WDR46: variants seen among roughly 807,000 people sequenced by gnomAD.
WDR46 encodes WD repeat domain 46, also known as WD repeat-containing protein 46.
A neutral mutation model predicts 74.7 loss-of-function variants in WDR46; 58 were observed. The ratio of observed to expected loss-of-function variants is 0.78; its 90% CI spans 0.63 to 0.97. WDR46 has a LOEUF of 0.97. WDR46 is among the 50% of genes least tolerant of loss of function. The pLI, the probability that WDR46 is intolerant of heterozygous loss-of-function variation, is 0.00. For missense variants in WDR46, 702 were observed against 790.1 expected (o/e 0.89, Z 1.34); for synonymous variants, 278 against 297.3 (o/e 0.93, Z 0.67).
chr6:33,280,840 G>A lies in WDR46; in HGVS notation c.1263C>T (p.Asp421=), dbSNP rs569530666. The change falls in exon 11 of 15, where the codon GAC becomes GAT. Residue 421 remains aspartate (D), a synonymous_variant. Coordinates refer to ENST00000374617, the MANE Select transcript of WDR46 (RefSeq NM_005452.6). Reference sequence around the variant, plus strand: ...CCTGCCCTGCCCAGATGTTGACAACGTCACCCATTCCCGCCACCAGCAGTC... The same window carrying A: ...CCTGCCCTGCCCAGATGTTGACAACATCACCCATTCCCGCCACCAGCAGTC... ...QRGLLVAGMG[D]VVNIWAGQGK... The A allele has an allele frequency of 1.2e-5, 19 of 1,614,052 alleles. No homozygotes were observed. The highest frequency in any genetic ancestry group is 5.5e-5 in the South Asian group (5 of 91,090).
Position 33,279,306 on chromosome 6 carries a change from C to G in WDR46, c.1803G>C (p.Arg601=), listed in dbSNP as rs1765902187. ...KEAKAKPTGA[R]PSALDRFVR The stretch of plus-strand genomic sequence containing the variant: ...GCACAAATCTGTCCAGGGCAGATGG[C>G]CGGGCCCCCGTGGGCTTGGCCTTCG... The change falls in exon 15 of 15, where the codon CGG becomes CGC. Residue 601 remains arginine, a synonymous_variant. Transcript: ENST00000374617. 1 of 1,614,212 alleles carries G rather than the reference C, an allele frequency of 6.2e-7. No individual in the cohort carries two copies. The highest frequency in any genetic ancestry group is 1.1e-5 in the South Asian group (1 of 91,088).
intron 10 of WDR46, among the ~76,000 whole-genome samples, chr6:33,285,094 C>G (rs371436372): frequency 1.3e-5 from 2 of 152,186 alleles, no homozygotes; most frequent in Non-Finnish European, 2.9e-5. Context: ...TCAAATTTGA[C>G]CATCTGGAAC....
At chr6:33,282,379 C>T (rs1014926032) in intron 10 of WDR46, among the ~76,000 whole-genome samples, 1 of 152,134 alleles carries the variant, frequency 6.6e-6, no homozygotes, top group African/African-American at 2.4e-5. Context: ...ACCGAGCGCT[C>T]GTGGAACACA....
At chr6:33,280,315 G>T (rs72655905) in intron 12 of WDR46, 113 bp downstream of exon 12, 11 of 1,109,290 alleles carry the variant, frequency 9.9e-6, no homozygotes, top group South Asian at 5.7e-5. Flanking sequence ...TCTCCAGCAG[G>T]GGGGAACCTG....
intron 10 of WDR46, among the ~76,000 whole-genome samples, chr6:33,286,034 G>A (rs149283903): frequency 0.03 from 4,628 of 152,012 alleles, 89 homozygotes; most frequent in Middle Eastern, 0.055. Context: ...CCAGCTACTT[G>A]GGAGACTGAG....
At chr6:33,287,792 C>T (rs1167055110) in intron 6 of WDR46, 74 bp from the exon 7 acceptor site, 18 of 1,566,534 alleles carry the variant, frequency 1.1e-5, no homozygotes, top group Non-Finnish European at 1.4e-5. Flanking sequence ...GTCTGCCCCA[C>T]GCCAGCCCCA....
intron 5 of WDR46, 29 bp from the exon 6 acceptor site, chr6:33,288,055 G>A: frequency 1.9e-6 from 3 of 1,614,048 alleles, no homozygotes; most frequent in Non-Finnish European, 8.5e-7. Context: ...AAAAAAAAGA[G>A]TGCCCTGCAG....
chr6:33,281,908 A>G (rs1000544375), intron 10 of WDR46, among the ~76,000 whole-genome samples: 2 of 152,200 alleles, frequency 1.3e-5, no homozygotes, highest in African/African-American at 4.8e-5. Flanking sequence ...ACCCTGGCTC[A>G]CTGCAGCCTC....
rs1461947215 is a variant in WDR46 at position 33,288,636 on chromosome 6, C to T, written c.338G>A (p.Cys113Tyr). The change falls in exon 3 of 15, where the codon TGT becomes TAT. Residue 113 changes from cysteine (C) to tyrosine (Y), a missense_variant. Transcript: ENST00000374617. ...CACCTTTCGGGATTTGTCAATGCGA[C>T]AGAACTTCTGGACCACTTCCACAGG... ...PVPVEVVQKF[C>Y]RIDKSRKLPH... 3 of 1,612,752 alleles carry T rather than the reference C, an allele frequency of 1.9e-6. No individual in the cohort carries two copies. The highest frequency in any genetic ancestry group is 2.5e-6 in the Non-Finnish European group (3 of 1,179,606).
Position 33,279,281 on chromosome 6 carries a change from G to C in WDR46, c.1828C>G (p.Arg610Gly). 6.2e-7 allele frequency: 1 copy of C among 1,614,176 alleles called. No individual in the cohort carries two copies. ...ARPSALDRFV[R>G] ...AGGCAACCCTGGAGTCTGGCTCAGC[G>C]CACAAATCTGTCCAGGGCAGATGGC... is the stretch of plus-strand genomic sequence containing the variant. The change falls in exon 15 of 15, where the codon CGC (arginine) becomes GGC (glycine). Residue 610 changes from arginine to glycine, a missense_variant. Transcript: ENST00000374617.
chr6:33,280,341 G>A lies in WDR46; in HGVS notation c.1524+87C>T, dbSNP rs72655906. On this transcript the variant is annotated intron_variant, in intron 12 of 14. Transcript: ENST00000374617. ...GGGGAACCTGACCTTCTCCAGGAAGGAGGAACCTCACCCTCTCCAGGACGG... is the reference window on the plus strand; with the variant it reads ...GGGGAACCTGACCTTCTCCAGGAAGAAGGAACCTCACCCTCTCCAGGACGG... 4.2e-6 allele frequency: 6 copies of A among 1,420,148 alleles called. No homozygotes were observed. The South Asian group carries it at 5.0e-5, about 12-fold the overall frequency. The allele number at this position is 1,420,148 out of a possible 1,614,324, so 88.0% of individuals were successfully genotyped here. A position where few individuals can be genotyped will look rare whatever the true frequency, so the allele number is the denominator to read the frequency against.
rs201671590 is a variant in WDR46 at position 33,279,850 on chromosome 6, C to A, written c.1534G>T (p.Glu512Ter). The A allele has an allele frequency of 7.4e-6, 12 of 1,613,908 alleles. No homozygotes were observed. The highest frequency in any genetic ancestry group is 1.0e-5 in the Non-Finnish European group (12 of 1,179,978). Reference protein sequence around the residue: ...VKALLEKVPAELICLDPRALA... With the variant: ...VKALLEKVPA ...GCTCGTGGGTCCAGACAAATAAGCT[C>A]TGCAGGTACCTGGGGGTGTCACAGA... Residue 512 changes from glutamate to a stop codon, truncating the protein, a stop_gained, in exon 13 of 15, where the codon GAG becomes TAG. Transcript: ENST00000374617. LOFTEE classifies it high-confidence loss of function.
Position 33,288,227 on chromosome 6 carries a change from T to A in WDR46, c.482A>T (p.Glu161Val). The A allele has an allele frequency of 6.2e-7, 1 of 1,614,082 alleles. No individual in the cohort carries two copies. Among genetic ancestry groups the A allele is most frequent in the South Asian group, 1.1e-5 (1 of 91,078 alleles). The change falls in exon 5 of 15, where the codon GAA (glutamate) becomes GTA (valine). Residue 161 changes from glutamate to valine, a missense_variant. Physicochemically the swap from Glu to Val is moderately radical, Grantham distance 121. Coordinates refer to ENST00000374617, the MANE Select transcript of WDR46 (RefSeq NM_005452.6). Reference protein sequence around the residue: ...LLLAEEPGFLEGEDGEDTAKI... With the variant: ...LLLAEEPGFLVGEDGEDTAKI... The stretch of plus-strand genomic sequence containing the variant: ...TGCTGTGTCTTCCCCATCCTCCCCT[T>A]CCAGAAACCTGAAAGCAAGGGTTAG...
chr6:33,288,662 G>A lies in WDR46; in HGVS notation c.312C>T (p.Val104=). 6.2e-7 allele frequency: 1 copy of A among 1,613,064 alleles called. No individual in the cohort carries two copies. The highest frequency in any genetic ancestry group is 8.5e-7 in the Non-Finnish European group (1 of 1,179,418). ...TQDPFPGPAP[V]PVEVVQKFCR... ...AGAACTTCTGGACCACTTCCACAGG[G>A]ACGGGGGCGGGGCCTGGGAATGGAT... The change falls in exon 3 of 15, where the codon GTC becomes GTT. Residue 104 remains valine, a synonymous_variant. Coordinates refer to ENST00000374617, the MANE Select transcript of WDR46 (RefSeq NM_005452.6).
chr6:33,288,144 T>A lies in WDR46; in HGVS notation c.561+4A>T. 6.2e-7 allele frequency: 1 copy of A among 1,614,212 alleles called. No individual in the cohort carries two copies. The highest frequency in any genetic ancestry group is 8.5e-7 in the Non-Finnish European group (1 of 1,180,038). On this transcript the variant is annotated splice_donor_region_variant and intron_variant, in intron 5 of 14. Transcript: ENST00000374617. ...CCTTGGCTCCTTTACCTCCTCAGGC[T>A]CACCTTGGCTGCACTTGCAATGTCC...
rs910312552 is a variant in WDR46 at position 33,279,198 on chromosome 6, T to G, written c.*78A>C. On this transcript the variant is annotated 3_prime_UTR_variant, in exon 15 of 15. Transcript: ENST00000374617. ...GGGAAGGGGCCACACTGCCCCCACC[T>G]CCTTGTTCCAGGGAACACTCATTTC... The G allele has an allele frequency of 5.0e-6, 8 of 1,585,356 alleles. No individual in the cohort carries two copies. In the East Asian group the frequency reaches 1.1e-4, roughly 22 times the overall value.
rs1451849945 is a variant in WDR46 at position 33,280,305 on chromosome 6, T to C, written c.1524+123A>G. The C allele has an allele frequency of 4.0e-6, 4 of 999,620 alleles. No individual in the cohort carries two copies. The East Asian group carries it at 7.8e-5, about 20-fold the overall frequency. The allele number at this position is 999,620 out of a possible 1,614,324, so 61.9% of individuals were successfully genotyped here. A position where few individuals can be genotyped will look rare whatever the true frequency, so the allele number is the denominator to read the frequency against. On this transcript the variant is annotated intron_variant, in intron 12 of 14. Transcript: ENST00000374617. ...TCTCCAGCAGTGGGGAACCTGACCT[T>C]CTCCAGCAGGGGGGAACCTGACCTT...
chr6:33,285,207 TA>T (rs1043568501), intron 10 of WDR46, among the ~76,000 whole-genome samples: 1 of 151,994 alleles, frequency 6.6e-6, no homozygotes, highest in African/African-American at 2.4e-5. Context: ...TGATTATTAT[TA>T]TTTTTTTTTT....
At chr6:33,287,289 G>C (rs207466855) in intron 8 of WDR46, 63 bp from the exon 9 acceptor site, 2 of 1,611,702 alleles carry the variant, frequency 1.2e-6, no homozygotes, top group East Asian at 4.5e-5. Flanking sequence ...CCTCTGCTGG[G>C]GTCCTAAAGG....
Sources: gnomAD v4.1 joint callset for allele counts (sites outside exome capture counted in the v4.1 genomes callset) on GRCh38, gnomAD v4.1.1 for gene constraint, MANE v1.5 for transcripts, NCBI Gene and HGNC (gene_info 2026-07-23, HGNC 2026-07-21) for gene names.